ABCA6: variants seen among roughly 807,000 people sequenced by gnomAD.
ABCA6 encodes ATP binding cassette subfamily A member 6, also known as ATP-binding cassette sub-family A member 6.
In ABCA6, 164 loss-of-function variants were observed where a neutral mutation model predicts 191.2. The ratio of observed to expected loss-of-function variants is 0.86; its 90% CI spans 0.76 to 0.98. The LOEUF (loss-of-function observed/expected upper bound fraction) is 0.98, where lower values mean the gene tolerates loss of function less well. ABCA6 is among the 50% of genes least tolerant of loss of function. ABCA6 has a pLI of 0.00. For synonymous variants in ABCA6, 636 were observed against 647.7 expected, an observed-to-expected ratio of 0.98 and a Z score of 0.27; for missense variants, 1,958 against 1,894.1, an observed-to-expected ratio of 1.03 and a Z score of -0.63.
At chr17:69,105,725 A>T in intron 19 of ABCA6, 97 bp from the exon 20 acceptor site, 1 of 956,714 alleles carries the variant, frequency 1.0e-6, no homozygotes, top group Middle Eastern at 3.4e-4. Context: ...AGCCTGCCTT[A>T]TGCCAATCAT....
intron 11 of ABCA6, 71 bp downstream of exon 11, chr17:69,117,827 C>T (rs1050245141): frequency 5.2e-6 from 6 of 1,153,354 alleles, no homozygotes; most frequent in Middle Eastern, 2.7e-4. Context: ...AATTTTTTCA[C>T]ATTGAATGTT....
intron 3 of ABCA6, among the ~76,000 whole-genome samples, chr17:69,136,994 C>T (rs2073959284): frequency 1.3e-5 from 2 of 152,058 alleles, no homozygotes; most frequent in African/African-American, 2.4e-5. Context: ...AAAACACACA[C>T]AATTTTCAAT....
chr17:69,088,201 C>T lies in ABCA6; in HGVS notation c.3664G>A (p.Gly1222Arg), dbSNP rs769087886. 2 of 1,612,244 alleles carry T rather than the reference C, an allele frequency of 1.2e-6. No homozygotes were observed. Among genetic ancestry groups the T allele is most frequent in the Admixed American group, 3.3e-5 (2 of 59,910 alleles). Residue 1222 changes from glycine (G) to arginine (R), a missense_variant, in exon 28 of 39, where the codon GGA becomes AGA. Gly to Arg is a moderately radical substitution (Grantham distance 125, BLOSUM62 -2). Coordinates refer to ENST00000284425, the MANE Select transcript of ABCA6 (RefSeq NM_080284.3). ...GGATCTTTTCGCATTCTTTTCTTTC[C>T]ACATTTTAGTTCCATGCATCTTAGA... ...FVLRCMELKC[G>R]KKRMRKDPVF...
rs769049542 is a variant in ABCA6 at position 69,107,705 on chromosome 17, T to C, written c.2380A>G (p.Ile794Val). ...ATACAAATGGCTTTACCTTGTTCGA[T>C]AGTTGACTGTCCTTCCAGTTTCATA... ...VFMKLEGQST[I>V]EQDFEQVEMI... The change falls in exon 18 of 39, where the codon ATC (isoleucine) becomes GTC (valine). Residue 794 changes from isoleucine (I) to valine (V), a missense_variant. Ile to Val is a conservative substitution (Grantham distance 29). Coordinates refer to ENST00000284425, the MANE Select transcript of ABCA6 (RefSeq NM_080284.3). 7 of 1,599,440 alleles carry C rather than the reference T, an allele frequency of 4.4e-6. No individual in the cohort carries two copies. The Admixed American group carries it at 5.1e-5, about 12-fold the overall frequency.
chr17:69,118,783 T>G (rs1598043327), intron 10 of ABCA6, among the ~76,000 whole-genome samples: 1 of 152,094 alleles, frequency 6.6e-6, no homozygotes, highest in East Asian at 1.9e-4. Context: ...ATGTATATGA[T>G]GGATCTTCTC....
chr17:69,126,147 A>C (rs1304165059), intron 8 of ABCA6, among the ~76,000 whole-genome samples: 1 of 152,164 alleles, frequency 6.6e-6, no homozygotes, highest in African/African-American at 2.4e-5. Flanking sequence ...TATATGTATA[A>C]AACCCAGAAA....
chr17:69,137,399 C>T lies in ABCA6; in HGVS notation c.198G>A (p.Arg66=). The T allele has an allele frequency of 1.2e-6, 2 of 1,613,672 alleles. No homozygotes were observed. The highest frequency in any genetic ancestry group is 1.7e-6 in the Non-Finnish European group (2 of 1,179,762). Residue 66 remains arginine, a synonymous_variant, in exon 3 of 39, where the codon AGG becomes AGA. Transcript: ENST00000284425. The stretch of plus-strand genomic sequence containing the variant: ...AAGAAGAGCTATTAAATTTATCTAC[C>T]CTTCCCAGATTCTGAGGAGCCATTC... ...FPGMAPQNLG[R]VDKFNSSSLM... is the part of the protein sequence containing the mutation.
chr17:69,120,047 T>C (rs2073612810), intron 10 of ABCA6, among the ~76,000 whole-genome samples: 1 of 152,012 alleles, frequency 6.6e-6, no homozygotes, highest in African/African-American at 2.4e-5. Context: ...ATAGATTATA[T>C]CAAAAACACA....
At chr17:69,110,459 G>C (rs893101635) in intron 17 of ABCA6, 30 of 220,380 alleles carry the variant, frequency 1.4e-4, no homozygotes, top group African/African-American at 6.1e-4. Flanking sequence ...AAGAACCCCA[G>C]CTTACTCACC....
Position 69,102,940 on chromosome 17 carries a change from T to C in ABCA6, c.2769A>G (p.Ser923=). The change falls in exon 21 of 39, where the codon TCA becomes TCG. Residue 923 remains serine (S), a synonymous_variant. Coordinates refer to ENST00000284425, the MANE Select transcript of ABCA6 (RefSeq NM_080284.3). ...CCAAAAGTATATTTTGATGCTTCAG[T>C]GATTTTATAAAATCTTCAATATTTG... ...TESNIEDFIK[S]LKHQNILLEV... 1 of 1,555,670 alleles carries C rather than the reference T, an allele frequency of 6.4e-7. No homozygotes were observed. The highest frequency in any genetic ancestry group is 8.8e-7 in the Non-Finnish European group (1 of 1,138,430).
chr17:69,134,550 G>A (rs940657207), intron 5 of ABCA6, 89 bp downstream of exon 5: 37 of 912,746 alleles, frequency 4.1e-5, no homozygotes, highest in Non-Finnish European at 5.5e-5. Flanking sequence ...CAGTACAAAC[G>A]GACTAAGACA....
intron 17 of ABCA6, 110 bp from the exon 18 acceptor site, chr17:69,107,922 G>A (rs2073340317): frequency 2.8e-6 from 2 of 712,686 alleles, no homozygotes; most frequent in African/African-American, 1.8e-5. Flanking sequence ...AGAAAATTAT[G>A]TCCTTGGAGT....
At chr17:69,123,513 GA>G (rs1322065314) in intron 9 of ABCA6, 106 bp from the exon 10 acceptor site, 7 of 735,468 alleles carry the variant, frequency 9.5e-6, no homozygotes, top group Non-Finnish European at 1.1e-5. Context: ...AAGCATCATA[GA>G]GACATTTTTT....
At chr17:69,133,511 A>T in intron 6 of ABCA6, 130 bp downstream of exon 6, 1 of 710,482 alleles carries the variant, frequency 1.4e-6, no homozygotes. Flanking sequence ...ACTAAGTAAA[A>T]AACTCAGAAC....
intron 27 of ABCA6, 57 bp from the exon 28 acceptor site, chr17:69,088,315 T>C (rs1196519930): frequency 2.3e-6 from 3 of 1,321,446 alleles, no homozygotes; most frequent in Non-Finnish European, 3.1e-6. Context: ...ATTATTTAAA[T>C]ATTTGAATTA....
chr17:69,124,296 TAA>T lies in ABCA6; in HGVS notation c.1267+590_1267+591del, dbSNP rs2073708036. 2.6e-5 allele frequency among the ~76,000 whole-genome samples: 4 copies of T among 151,828 alleles called. No homozygotes were observed. In the South Asian group the frequency reaches 6.2e-4, roughly 24 times the overall value. ...AACCTTAAATAGTGGAAGGAACATATAAAATAAGAGGATAAACAAGAAGATTG... is the reference window on the plus strand; with the variant it reads ...AACCTTAAATAGTGGAAGGAACATATAATAAGAGGATAAACAAGAAGATTG... On this transcript the variant is annotated intron_variant, in intron 9 of 38. Coordinates refer to ENST00000284425, the MANE Select transcript of ABCA6 (RefSeq NM_080284.3).
intron 2 of ABCA6, among the ~76,000 whole-genome samples, chr17:69,138,724 C>A (rs2073985922): frequency 1.3e-5 from 2 of 151,034 alleles, no homozygotes; most frequent in Admixed American, 6.6e-5. Flanking sequence ...ACCAAAACAG[C>A]ATGGTACTGG....
intron 26 of ABCA6, among the ~76,000 whole-genome samples, chr17:69,090,148 C>T (rs151316204): frequency 1.8e-4 from 28 of 152,308 alleles, no homozygotes; most frequent in African/African-American, 6.5e-4. Flanking sequence ...AGTTTCTAAT[C>T]GAGAACTTCA....
At chr17:69,083,091 G>C in intron 35 of ABCA6, 78 bp from the exon 36 acceptor site, 1 of 1,587,914 alleles carries the variant, frequency 6.3e-7, no homozygotes. Flanking sequence ...TTCAAATGTA[G>C]AAGAAAAGGT....
Sources: allele counts gnomAD v4.1 joint callset (sites outside exome capture counted in the v4.1 genomes callset), GRCh38; gene constraint gnomAD v4.1.1; transcripts MANE v1.5; gene names NCBI Gene and HGNC (gene_info 2026-07-23, HGNC 2026-07-21).